MSI2: variants seen among roughly 807,000 people sequenced by gnomAD.
MSI2 encodes the protein RNA-binding protein Musashi homolog 2.
In MSI2, 17 loss-of-function variants were observed where a neutral mutation model predicts 45.6. The observed-to-expected ratio is 0.37, with a 90% confidence interval of 0.26 to 0.56. The LOEUF (loss-of-function observed/expected upper bound fraction) is 0.56. Among genes scored for constraint, MSI2 ranks in the 20% least tolerant of loss-of-function variants. MSI2 has a pLI of 0.77. For missense variants in MSI2, 293 were observed against 444.2 expected, an observed-to-expected ratio of 0.66 and a Z score of 3.06; for synonymous variants, 156 against 158.2, an observed-to-expected ratio of 0.99 and a Z score of 0.11.
chr17:57,558,945 C>T (rs1008978442), intron 7 of MSI2, among the ~76,000 whole-genome samples: 2 of 152,106 alleles, frequency 1.3e-5, no homozygotes, highest in Non-Finnish European at 2.9e-5. Flanking sequence ...AGCCTGTAAC[C>T]CCACTACTCG....
intron 5 of MSI2, among the ~76,000 whole-genome samples, chr17:57,294,270 T>TTGCTC (rs1437248482): frequency 6.6e-6 from 1 of 152,166 alleles, no homozygotes; most frequent in Non-Finnish European, 1.5e-5. Flanking sequence ...GCCTTGTTGT[T>TTGCTC]TGCTCCAGTA....
chr17:57,560,792 C>T (rs145374057), intron 7 of MSI2, among the ~76,000 whole-genome samples: 3 of 152,192 alleles, frequency 2.0e-5, no homozygotes, highest in Non-Finnish European at 2.9e-5. Flanking sequence ...TCAGTAAAGG[C>T]GGTGGTTGCC....
intron 10 of MSI2, among the ~76,000 whole-genome samples, chr17:57,647,053 T>A (rs76870089): frequency 0.02 from 2,985 of 152,204 alleles, 68 homozygotes; most frequent in South Asian, 0.074. Flanking sequence ...GAATGTGTAT[T>A]CTAATTTTGA....
intron 5 of MSI2, among the ~76,000 whole-genome samples, chr17:57,308,788 C>A (rs1026123425): frequency 1.3e-5 from 2 of 152,190 alleles, no homozygotes; most frequent in East Asian, 1.9e-4. Flanking sequence ...TACAACCCCC[C>A]TCATTTCCAC....
At chr17:57,451,820 C>G (rs377242334) in intron 6 of MSI2, among the ~76,000 whole-genome samples, 151 of 152,318 alleles carry the variant, frequency 9.9e-4, no homozygotes, top group African/African-American at 3.5e-3. Context: ...GTCTTTAAAA[C>G]TCTTCACAAC....
intron 6 of MSI2, among the ~76,000 whole-genome samples, chr17:57,521,007 A>G (rs1414238050): frequency 6.6e-6 from 1 of 152,172 alleles, no homozygotes; most frequent in Non-Finnish European, 1.5e-5. Context: ...CTTGTTAGTC[A>G]GTAAAGGCCT....
rs916829398 is a variant in MSI2 at position 57,391,631 on chromosome 17, TG to T, written c.313-9745del. 5.9e-5 allele frequency among the ~76,000 whole-genome samples: 9 copies of T among 152,164 alleles called. 1 individual carries two copies. Among genetic ancestry groups the T allele is most frequent in the African/African-American group, 2.2e-4 (9 of 41,450 alleles). On this transcript the variant is annotated intron_variant, in intron 5 of 13. Transcript: ENST00000284073. ...GTGCATCTTCAGAAGAATTCCACCC[TG>T]GGTGGGCAACTCGGGCTCCCACTGC...
rs956171792 is a variant in MSI2 at position 57,280,660 on chromosome 17, G to C, written c.312+18468G>C. Among the ~76,000 whole-genome samples, 1 of 152,120 alleles carries C rather than the reference G, an allele frequency of 6.6e-6. No homozygotes were observed. Reference sequence around the variant, plus strand: ...GGGGTTGAGTGTAACCCCTTGGCTGGCAATCGGCATACTCTTAGTGACGGA... The same window carrying C: ...GGGGTTGAGTGTAACCCCTTGGCTGCCAATCGGCATACTCTTAGTGACGGA... On this transcript the variant is annotated intron_variant, in intron 5 of 13. Coordinates refer to ENST00000284073, the MANE Select transcript of MSI2 (RefSeq NM_138962.4). The surrounding 1 kb of genome is among the most constrained non-coding windows in gnomAD (Gnocchi z 4.2).
At chr17:57,695,436 C>T in the MSI2 span, among the ~76,000 whole-genome samples, 9 of 152,294 alleles carry the variant, frequency 5.9e-5, no homozygotes, top group East Asian at 3.9e-4. Context: ...AGGGATCCTG[C>T]GGTCACCCAG....
At chr17:57,264,245 A>C (rs1047518234) in intron 5 of MSI2, 17 of 152,092 alleles carry the variant, frequency 1.1e-4, no homozygotes, top group African/African-American at 4.1e-4. Context: ...CAGGTCGTTT[A>C]ACTTCCTTGA....
chr17:57,652,256 C>A lies in MSI2; in HGVS notation c.790+95C>A. 2 of 1,245,472 alleles carry A rather than the reference C, an allele frequency of 1.6e-6. No individual in the cohort carries two copies. Among genetic ancestry groups the A allele is most frequent in the Non-Finnish European group, 2.3e-6 (2 of 858,564 alleles). The allele number at this position is 1,245,472 out of a possible 1,614,324, so 77.2% of individuals were successfully genotyped here. A position where few individuals can be genotyped will look rare whatever the true frequency, so the allele number is the denominator to read the frequency against. On this transcript the variant is annotated intron_variant, in intron 11 of 13. Coordinates refer to ENST00000284073, the MANE Select transcript of MSI2 (RefSeq NM_138962.4). This position sits in a 1 kb window ranked among gnomAD's most constrained non-coding sequence, Gnocchi z 4.1. Reference sequence around the variant, plus strand: ...TCGGATCTGTGTGGCTGCATCTGTCCAACACCACTCTCACCACAGCCCCGG... The same window carrying A: ...TCGGATCTGTGTGGCTGCATCTGTCAAACACCACTCTCACCACAGCCCCGG...
At chr17:57,524,628 C>T (rs1005489081) in intron 6 of MSI2, among the ~76,000 whole-genome samples, 6 of 152,160 alleles carry the variant, frequency 3.9e-5, no homozygotes, top group Non-Finnish European at 7.4e-5. Context: ...TTTCTTTCAT[C>T]GGGTGCAGGG....
chr17:57,437,468 CA>C (rs1330385836), intron 6 of MSI2, among the ~76,000 whole-genome samples: 4 of 152,054 alleles, frequency 2.6e-5, no homozygotes, highest in African/African-American at 9.7e-5. Flanking sequence ...TGATGGTTGG[CA>C]ATAGGATGGA....
intron 5 of MSI2, among the ~76,000 whole-genome samples, chr17:57,383,069 G>A (rs1454819046): frequency 1.3e-5 from 2 of 152,210 alleles, no homozygotes; most frequent in Non-Finnish European, 2.9e-5. Flanking sequence ...GTAGAACAGG[G>A]TCTGTGTCCA....
At chr17:57,274,577 C>T (rs1229404373) in intron 5 of MSI2, 4 of 152,310 alleles carry the variant, frequency 2.6e-5, no homozygotes, top group South Asian at 2.1e-4. Context: ...GCCTGCCTTA[C>T]GTAGTAGTTG....
At chr17:57,396,828 C>A (rs1055098362) in intron 5 of MSI2, among the ~76,000 whole-genome samples, 3 of 152,322 alleles carry the variant, frequency 2.0e-5, no homozygotes, top group African/African-American at 7.2e-5. Context: ...CACACGGACA[C>A]CTCCTGCTTC....
At chr17:57,588,141 G>A (rs1217922738) in intron 7 of MSI2, among the ~76,000 whole-genome samples, 1 of 152,060 alleles carries the variant, frequency 6.6e-6, no homozygotes, top group Non-Finnish European at 1.5e-5. Flanking sequence ...GAGGAGGGAG[G>A]GCTGTGCTAA....
At chr17:57,675,915 C>T (rs889911936) in intron 12 of MSI2, among the ~76,000 whole-genome samples, 6 of 152,222 alleles carry the variant, frequency 3.9e-5, no homozygotes, top group African/African-American at 1.2e-4. Context: ...TTCTCCCTCC[C>T]GGTGTGTGTG....
chr17:57,609,709 C>A (rs1023569393), intron 8 of MSI2, among the ~76,000 whole-genome samples: 1 of 152,264 alleles, frequency 6.6e-6, no homozygotes, highest in Admixed American at 6.5e-5. Flanking sequence ...GGGCAGTGAG[C>A]TTACCTTTGC....
Sources: gnomAD v4.1 joint callset for allele counts (sites outside exome capture counted in the v4.1 genomes callset) on GRCh38, gnomAD v4.1.1 for gene constraint, Gnocchi (gnomAD v3.1) non-coding constraint, MANE v1.5 for transcripts, NCBI Gene and HGNC (gene_info 2026-07-23, HGNC 2026-07-21) for gene names.